ATP6V0E1: variants seen among roughly 807,000 people sequenced by gnomAD.
ATP6V0E1 encodes V-type proton ATPase subunit e 1.
A neutral mutation model predicts 11.6 loss-of-function variants in ATP6V0E1; 4 were observed. The observed-to-expected ratio is 0.35, with a 90% CI of 0.17 to 0.79. The LOEUF (loss-of-function observed/expected upper bound fraction) is 0.79. ATP6V0E1 is among the 30% of genes least tolerant of loss of function. ATP6V0E1 has a pLI of 0.54. For synonymous variants in ATP6V0E1, 36 were observed against 34.8 expected (o/e 1.04, Z -0.13); for missense variants, 105 against 100.0 (o/e 1.05, Z -0.21).
chr5:172,989,039 T>C (rs756845244), intron 1 of ATP6V0E1, among the ~76,000 whole-genome samples: 1 of 152,050 alleles, frequency 6.6e-6, no homozygotes, highest in Non-Finnish European at 1.5e-5. Flanking sequence ...TGATCAAAAA[T>C]ATCTTCAAAA....
At chr5:172,990,197 A>G (rs367734789) in intron 1 of ATP6V0E1, among the ~76,000 whole-genome samples, 9 of 152,216 alleles carry the variant, frequency 5.9e-5, no homozygotes, top group East Asian at 5.8e-4. Context: ...ATCACTTGGA[A>G]AAAACTCTTC....
chr5:173,027,178 CA>C (rs1158447516), intron 3 of ATP6V0E1, among the ~76,000 whole-genome samples: 4,281 of 25,980 alleles, frequency 0.16, 37 homozygotes, highest in Middle Eastern at 0.29. Context: ...GACTCCGTCT[CA>C]AAAAAAAAAA....
intron 2 of ATP6V0E1, 72 bp from the exon 3 acceptor site, chr5:173,020,166 A>G (rs1756457414): frequency 3.9e-6 from 5 of 1,272,672 alleles, no homozygotes; most frequent in South Asian, 2.4e-5. Context: ...TACTTTTTCC[A>G]TGCTAATTGA....
At chr5:173,008,637 C>A (rs781180163) in intron 2 of ATP6V0E1, among the ~76,000 whole-genome samples, 1 of 143,668 alleles carries the variant, frequency 7.0e-6, no homozygotes, top group African/African-American at 2.5e-5. Context: ...GGGCTGGGCG[C>A]GGTGGCTCAC....
At chr5:173,025,504 CT>C (rs60822937) in intron 3 of ATP6V0E1, among the ~76,000 whole-genome samples, 2,444 of 65,406 alleles carry the variant, frequency 0.037, 10 homozygotes, top group African/African-American at 0.12. Context: ...ATATAAAATA[CT>C]TTTTTTTTTT....
intron 2 of ATP6V0E1, among the ~76,000 whole-genome samples, chr5:172,999,300 A>G (rs1374106157): frequency 6.6e-6 from 1 of 151,974 alleles, no homozygotes; most frequent in Non-Finnish European, 1.5e-5. Flanking sequence ...GTTTCCAGTC[A>G]GTCTCATGTC....
chr5:173,008,033 T>C (rs1199956015), intron 2 of ATP6V0E1, among the ~76,000 whole-genome samples: 3 of 152,220 alleles, frequency 2.0e-5, no homozygotes, highest in Non-Finnish European at 4.4e-5. Flanking sequence ...CGAGCCATAG[T>C]AGGCTTCACC....
At chr5:172,991,639 G>A (rs549080404) in intron 1 of ATP6V0E1, among the ~76,000 whole-genome samples, 11 of 152,190 alleles carry the variant, frequency 7.2e-5, no homozygotes, top group South Asian at 4.1e-4. Flanking sequence ...CAAATGAAGC[G>A]GGGGACTTGA....
intron 1 of ATP6V0E1, among the ~76,000 whole-genome samples, chr5:172,988,549 T>C (rs1755932071): frequency 6.6e-6 from 1 of 152,180 alleles, no homozygotes. Flanking sequence ...CTTTTTAAAA[T>C]GGAAATAGGC....
At chr5:172,992,642 C>A (rs1332454947) in intron 1 of ATP6V0E1, among the ~76,000 whole-genome samples, 1 of 152,172 alleles carries the variant, frequency 6.6e-6, no homozygotes, top group Non-Finnish European at 1.5e-5. Context: ...CCCTGGTAGA[C>A]CCCGTCTCCC....
intron 3 of ATP6V0E1, among the ~76,000 whole-genome samples, chr5:173,021,710 G>A (rs1051032894): frequency 6.6e-6 from 1 of 152,170 alleles, no homozygotes; most frequent in African/African-American, 2.4e-5. Flanking sequence ...TTCAACATGA[G>A]ATTTGGAGGG....
chr5:173,017,816 G>A (rs1756425479), intron 2 of ATP6V0E1, among the ~76,000 whole-genome samples: 2 of 145,168 alleles, frequency 1.4e-5, no homozygotes, highest in Admixed American at 1.4e-4. Flanking sequence ...ACTCCAGCCT[G>A]GACAACAGAA....
intron 1 of ATP6V0E1, among the ~76,000 whole-genome samples, chr5:172,992,097 C>T (rs1755991929): frequency 6.6e-6 from 1 of 151,968 alleles, no homozygotes; most frequent in African/African-American, 2.4e-5. Context: ...GTCGCCCAGG[C>T]TGGAGTGCAG....
intron 3 of ATP6V0E1, among the ~76,000 whole-genome samples, chr5:173,025,166 A>G (rs1756538297): frequency 7.9e-6 from 1 of 127,144 alleles, no homozygotes; most frequent in Admixed American, 7.9e-5. Flanking sequence ...TTTTTTTTTA[A>G]AGACAGAGTC....
intron 3 of ATP6V0E1, among the ~76,000 whole-genome samples, chr5:173,025,104 G>T (rs1177400601): frequency 6.7e-4 from 96 of 143,876 alleles, no homozygotes; most frequent in Non-Finnish European, 1.1e-4. Flanking sequence ...GCCTCCCAAA[G>T]TGCTAGGATT....
At chr5:173,028,027 T>A (rs1370667688) in intron 3 of ATP6V0E1, among the ~76,000 whole-genome samples, 1 of 152,220 alleles carries the variant, frequency 6.6e-6, no homozygotes, top group African/African-American at 2.4e-5. Flanking sequence ...TTCACTCTTA[T>A]GTCTCTGTCA....
intron 3 of ATP6V0E1, among the ~76,000 whole-genome samples, chr5:173,025,143 C>CTT (rs539174415): frequency 8.1e-4 from 84 of 103,142 alleles, no homozygotes; most frequent in African/African-American, 2.4e-3. Context: ...GCCTGGCATT[C>CTT]TTTTTTTTTT....
intron 2 of ATP6V0E1, among the ~76,000 whole-genome samples, chr5:173,008,169 C>T (rs1455720797): frequency 6.6e-6 from 1 of 152,156 alleles, no homozygotes; most frequent in East Asian, 1.9e-4. Context: ...ACTTGTTTAT[C>T]ACAGAGCACA....
intron 2 of ATP6V0E1, among the ~76,000 whole-genome samples, 187 bp downstream of exon 2, chr5:172,995,009 T>C (rs1471948066): frequency 6.6e-6 from 1 of 152,382 alleles, no homozygotes; most frequent in East Asian, 1.9e-4. Flanking sequence ...CTTCTGGGAA[T>C]ACAACTTCTG....
Sources: gnomAD v4.1 joint callset for allele counts (sites outside exome capture counted in the v4.1 genomes callset) on GRCh38, gnomAD v4.1.1 for gene constraint, MANE v1.5 for transcripts, NCBI Gene and HGNC (gene_info 2026-07-23, HGNC 2026-07-21) for gene names.